GLG1: variants seen among roughly 807,000 people sequenced by gnomAD.
GLG1 encodes Golgi apparatus protein 1.
A neutral mutation model predicts 160.5 loss-of-function variants in GLG1; 38 were observed. The observed-to-expected ratio is 0.24, with a 90% CI of 0.18 to 0.31. The LOEUF (loss-of-function observed/expected upper bound fraction) is 0.31. Ranked by LOEUF, GLG1 falls within the 10% of genes least tolerant of loss-of-function variation. GLG1 has a pLI of 1.00. For missense variants in GLG1, 1,373 were observed against 1,505.2 expected, an observed-to-expected ratio of 0.91 and a Z score of 1.45; for synonymous variants, 644 against 543.4, an observed-to-expected ratio of 1.19 and a Z score of -2.57.
intron 2 of GLG1, among the ~76,000 whole-genome samples, chr16:74,531,606 T>C (rs2017536504): frequency 6.6e-6 from 1 of 152,154 alleles, no homozygotes; most frequent in African/African-American, 2.4e-5. Flanking sequence ...GGATTACAGG[T>C]GTGAACCACC....
At chr16:74,540,289 T>C (rs1179071148) in intron 1 of GLG1, among the ~76,000 whole-genome samples, 3 of 147,802 alleles carry the variant, frequency 2.0e-5, no homozygotes, top group Non-Finnish European at 4.4e-5. Context: ...AATGTAAATT[T>C]TGAAGTATAA....
At chr16:74,569,072 C>A (rs955090159) in intron 1 of GLG1, among the ~76,000 whole-genome samples, 1 of 152,124 alleles carries the variant, frequency 6.6e-6, no homozygotes. Context: ...CCAAGGCCTG[C>A]CCAAGGTAGG....
intron 6 of GLG1, 62 bp from the exon 7 acceptor site, chr16:74,493,202 C>T: frequency 1.8e-6 from 2 of 1,119,052 alleles, no homozygotes; most frequent in Non-Finnish European, 2.6e-6. Flanking sequence ...TTGACGTGTA[C>T]CACTAAGATG....
intron 1 of GLG1, among the ~76,000 whole-genome samples, chr16:74,535,858 A>G (rs1276184785): frequency 6.6e-6 from 1 of 152,224 alleles, no homozygotes; most frequent in African/African-American, 2.4e-5. Flanking sequence ...AGAATTGTTA[A>G]GCATAATTGT....
At chr16:74,561,038 C>G (rs886375636) in intron 1 of GLG1, among the ~76,000 whole-genome samples, 1 of 152,236 alleles carries the variant, frequency 6.6e-6, no homozygotes, top group Non-Finnish European at 1.5e-5. Context: ...CCTGCGCAGT[C>G]CTGCACAGTC....
At chr16:74,578,792 A>C (rs1293645749) in intron 1 of GLG1, among the ~76,000 whole-genome samples, 1 of 152,212 alleles carries the variant, frequency 6.6e-6, no homozygotes, top group Admixed American at 6.5e-5. Context: ...CTTCCCCAAT[A>C]CAATTAACAT....
intron 3 of GLG1, among the ~76,000 whole-genome samples, chr16:74,506,381 A>G (rs1028715941): frequency 5.9e-5 from 9 of 151,538 alleles, no homozygotes; most frequent in African/African-American, 2.2e-4. Flanking sequence ...GACTGAGACC[A>G]TCCTGGCTAA....
At chr16:74,474,791 C>T (rs1372346630) in intron 12 of GLG1, among the ~76,000 whole-genome samples, 159 bp from the exon 13 acceptor site, 2 of 152,130 alleles carry the variant, frequency 1.3e-5, no homozygotes, top group Non-Finnish European at 1.5e-5. Context: ...TTGTTTAATT[C>T]CCCAGACTGA....
At chr16:74,533,630 A>G (rs1409595457) in intron 1 of GLG1, among the ~76,000 whole-genome samples, 4 of 151,756 alleles carry the variant, frequency 2.6e-5, no homozygotes, top group African/African-American at 9.7e-5. Context: ...AAAATACAAA[A>G]ATTAGCCAGG....
intron 3 of GLG1, among the ~76,000 whole-genome samples, chr16:74,505,626 A>G (rs9924158): frequency 0.94 from 143,502 of 152,190 alleles, 67,877 homozygotes; most frequent in East Asian, 1. Context: ...AGGCTGAGGC[A>G]GGTGGACTGC....
At chr16:74,525,487 G>A (rs2017306817) in intron 2 of GLG1, among the ~76,000 whole-genome samples, 1 of 151,554 alleles carries the variant, frequency 6.6e-6, no homozygotes, top group East Asian at 1.9e-4. Flanking sequence ...AGAGATAGGG[G>A]GTCTCCGTAT....
At chr16:74,554,987 A>G (rs563494127) in intron 1 of GLG1, among the ~76,000 whole-genome samples, 22 of 152,336 alleles carry the variant, frequency 1.4e-4, no homozygotes, top group Non-Finnish European at 2.2e-4. Flanking sequence ...CTGCCCTCCA[A>G]CCTGAGCGAC....
At chr16:74,564,713 T>A (rs548316986) in intron 1 of GLG1, among the ~76,000 whole-genome samples, 2 of 152,244 alleles carry the variant, frequency 1.3e-5, no homozygotes, top group African/African-American at 4.8e-5. Context: ...GAGAGCCCAC[T>A]GTTTTGGATT....
At chr16:74,572,514 AAAAAAAAACAAAC>A (rs1221935919) in intron 1 of GLG1, among the ~76,000 whole-genome samples, 1 of 146,334 alleles carries the variant, frequency 6.8e-6, no homozygotes, top group African/African-American at 2.5e-5. Flanking sequence ...CTCTGTCTCA[AAAAAAAAACAAAC>A]AAAAAAAAAA....
intron 10 of GLG1, among the ~76,000 whole-genome samples, chr16:74,481,342 G>T (rs1168489130): frequency 6.6e-6 from 1 of 152,134 alleles, no homozygotes; most frequent in Non-Finnish European, 1.5e-5. Flanking sequence ...TCAGACCAGG[G>T]CATGCTTAAT....
At chr16:74,458,475 C>A (rs533495564) in intron 23 of GLG1, among the ~76,000 whole-genome samples, 5 of 151,728 alleles carry the variant, frequency 3.3e-5, no homozygotes, top group African/African-American at 1.2e-4. Context: ...GTCTGAGACC[C>A]GTGTGGGTAA....
chr16:74,606,756 C>T lies in GLG1; in HGVS notation c.339G>A (p.Ala113=), dbSNP rs767689910. 5 of 1,613,212 alleles carry T rather than the reference C, an allele frequency of 3.1e-6. No homozygotes were observed. The highest frequency in any genetic ancestry group is 1.1e-5 in the South Asian group (1 of 91,024). ...GAGAGGGWKL[A]EEESCREDVT... is the part of the protein sequence containing the mutation. Reference sequence around the variant, plus strand: ...CGTCCTCCCTGCAGGACTCTTCCTCCGCCAGCTTCCAGCCCCCACCAGCCC... The same window carrying T: ...CGTCCTCCCTGCAGGACTCTTCCTCTGCCAGCTTCCAGCCCCCACCAGCCC... The change falls in exon 1 of 26, where the codon GCG becomes GCA. Residue 113 remains alanine (A), a synonymous_variant. Coordinates refer to ENST00000422840, the MANE Select transcript of GLG1 (RefSeq NM_001145667.2).
chr16:74,566,024 T>C (rs1022246839), intron 1 of GLG1, among the ~76,000 whole-genome samples: 10 of 152,236 alleles, frequency 6.6e-5, no homozygotes, highest in African/African-American at 2.2e-4. Flanking sequence ...CAATTTGGGT[T>C]TGTGTGACGT....
chr16:74,568,418 C>CT (rs57385691), intron 1 of GLG1, among the ~76,000 whole-genome samples: 82 of 130,508 alleles, frequency 6.3e-4, no homozygotes, highest in East Asian at 8.9e-4. Flanking sequence ...AATTTTACTG[C>CT]TTTTTTTTTT....
Sources: allele counts gnomAD v4.1 joint callset (sites outside exome capture counted in the v4.1 genomes callset), GRCh38; gene constraint gnomAD v4.1.1; transcripts MANE v1.5; gene names NCBI Gene and HGNC (gene_info 2026-07-23, HGNC 2026-07-21).